Variants in SPAG16 observed in about 807,000 individuals in gnomAD.
SPAG16 encodes the protein sperm associated antigen 16, also known as sperm-associated antigen 16 protein.
Under a neutral mutation model 80.4 loss-of-function variants are expected in SPAG16, and 86 were observed. The observed-to-expected ratio is 1.07, with a 90% confidence interval of 0.90 to 1.28. SPAG16 has a LOEUF of 1.28. Among genes scored for constraint, SPAG16 ranks in the 50% most tolerant of loss-of-function variants. SPAG16 has a pLI of 0.00. For synonymous variants in SPAG16, 294 were observed against 265.9 expected (o/e 1.11, Z -1.03); for missense variants, 870 against 765.3 (o/e 1.14, Z -1.61).
chr2:213,856,089 C>T (rs548752184), intron 10 of SPAG16, among the ~76,000 whole-genome samples: 1 of 152,330 alleles, frequency 6.6e-6, no homozygotes, highest in Admixed American at 6.5e-5. Flanking sequence ...TTCCTAGACA[C>T]ACTGGGGATA....
intron 15 of SPAG16, among the ~76,000 whole-genome samples, chr2:214,221,137 A>C (rs2058556486): frequency 6.6e-6 from 1 of 152,188 alleles, no homozygotes; most frequent in African/African-American, 2.4e-5. Flanking sequence ...GTTCTTTAGA[A>C]GTTTAACTAC....
At chr2:213,395,659 T>C (rs1035695513) in intron 9 of SPAG16, among the ~76,000 whole-genome samples, 3 of 152,170 alleles carry the variant, frequency 2.0e-5, no homozygotes, top group Admixed American at 6.5e-5. Flanking sequence ...CATTATGCTC[T>C]TCCTCCAGTC....
At chr2:214,390,276 A>T (rs1466319750) in intron 15 of SPAG16, among the ~76,000 whole-genome samples, 1 of 149,374 alleles carries the variant, frequency 6.7e-6, no homozygotes, top group Non-Finnish European at 1.5e-5. Flanking sequence ...TCAGTGGTAG[A>T]GCATTTGGGA....
intron 10 of SPAG16, among the ~76,000 whole-genome samples, chr2:213,662,336 T>A (rs1429058001): frequency 6.6e-6 from 1 of 152,054 alleles, no homozygotes; most frequent in Non-Finnish European, 1.5e-5. Flanking sequence ...AAAGAATTCA[T>A]GGAAAGTGAA....
At chr2:213,469,450 C>G (rs1402370655) in intron 9 of SPAG16, among the ~76,000 whole-genome samples, 1 of 151,824 alleles carries the variant, frequency 6.6e-6, no homozygotes, top group Non-Finnish European at 1.5e-5. Flanking sequence ...GGAGGAAATA[C>G]TTATGACAAT....
chr2:213,562,287 G>A (rs938484880), intron 10 of SPAG16, among the ~76,000 whole-genome samples: 1 of 152,164 alleles, frequency 6.6e-6, no homozygotes, highest in Non-Finnish European at 1.5e-5. Context: ...CCAAAATTAT[G>A]TAAATACGTG....
intron 15 of SPAG16, among the ~76,000 whole-genome samples, chr2:214,229,331 T>C (rs1688526020): frequency 6.6e-6 from 1 of 151,750 alleles, no homozygotes; most frequent in Admixed American, 6.6e-5. Context: ...GGAGAAAATA[T>C]CTTAATCCAT....
At chr2:214,268,060 G>A (rs985466805) in intron 15 of SPAG16, among the ~76,000 whole-genome samples, 2 of 151,470 alleles carry the variant, frequency 1.3e-5, no homozygotes, top group African/African-American at 2.4e-5. Flanking sequence ...ATTGCCAACA[G>A]ATACATGAGA....
At chr2:213,738,548 T>G (rs923611939) in intron 10 of SPAG16, among the ~76,000 whole-genome samples, 1 of 152,178 alleles carries the variant, frequency 6.6e-6, no homozygotes, top group Non-Finnish European at 1.5e-5. Context: ...TATAAAATTT[T>G]AAAAATGAGA....
At chr2:213,588,506 A>T (rs1381245038) in intron 10 of SPAG16, among the ~76,000 whole-genome samples, 1 of 151,774 alleles carries the variant, frequency 6.6e-6, no homozygotes, top group East Asian at 1.9e-4. Context: ...TATTGTGATA[A>T]GACTCCCTAT....
At chr2:214,173,881 T>TC (rs1364816799) in intron 15 of SPAG16, among the ~76,000 whole-genome samples, 1 of 151,948 alleles carries the variant, frequency 6.6e-6, no homozygotes, top group African/African-American at 2.4e-5. Context: ...TCCACCATGA[T>TC]CAAGTGGGCT....
chr2:213,598,887 A>G (rs544122371), intron 10 of SPAG16, among the ~76,000 whole-genome samples: 1 of 152,304 alleles, frequency 6.6e-6, no homozygotes, highest in East Asian at 1.9e-4. Context: ...GTGGGAAAAC[A>G]AACTCTGTGG....
At chr2:214,408,778 C>T (rs1172893779) in intron 15 of SPAG16, among the ~76,000 whole-genome samples, 1 of 152,100 alleles carries the variant, frequency 6.6e-6, no homozygotes, top group Non-Finnish European at 1.5e-5. Flanking sequence ...GCTAAAAGCC[C>T]AGGCTCTGGA....
At chr2:213,865,228 C>T (rs1559534039) in intron 11 of SPAG16, among the ~76,000 whole-genome samples, 1 of 151,814 alleles carries the variant, frequency 6.6e-6, no homozygotes, top group Non-Finnish European at 1.5e-5. Flanking sequence ...AAATTCTTTA[C>T]CCAAAATCTA....
chr2:213,845,237 G>T (rs2074557453), intron 10 of SPAG16, among the ~76,000 whole-genome samples: 1 of 143,708 alleles, frequency 7.0e-6, no homozygotes, highest in South Asian at 2.2e-4. Flanking sequence ...TCGCTCTGTT[G>T]CCCAGGCTGG....
At chr2:213,302,867 G>C (rs2062800706) in intron 3 of SPAG16, among the ~76,000 whole-genome samples, 1 of 152,024 alleles carries the variant, frequency 6.6e-6, no homozygotes, top group Non-Finnish European at 1.5e-5. Context: ...CAGGTGTGTT[G>C]CAACCGTACA....
intron 11 of SPAG16, among the ~76,000 whole-genome samples, chr2:213,902,491 C>A (rs1180208948): frequency 6.6e-6 from 1 of 152,170 alleles, no homozygotes; most frequent in East Asian, 1.9e-4. Flanking sequence ...ATAAAACCAT[C>A]AGATCTCATG....
At chr2:214,252,497 C>A (rs1411963070) in intron 15 of SPAG16, among the ~76,000 whole-genome samples, 2 of 151,652 alleles carry the variant, frequency 1.3e-5, no homozygotes, top group African/African-American at 4.9e-5. Flanking sequence ...TCCCTGTGTC[C>A]ATGTGTTCTC....
At chr2:213,830,890 T>C (rs1334052542) in intron 10 of SPAG16, among the ~76,000 whole-genome samples, 1 of 152,132 alleles carries the variant, frequency 6.6e-6, no homozygotes, top group East Asian at 1.9e-4. Context: ...ATAAGTGCTG[T>C]GTTTTCTGAG....
Sources: gnomAD v4.1 joint callset for allele counts (sites outside exome capture counted in the v4.1 genomes callset) on GRCh38, gnomAD v4.1.1 for gene constraint, MANE v1.5 for transcripts, NCBI Gene and HGNC (gene_info 2026-07-23, HGNC 2026-07-21) for gene names.